The following KIF13B variants were observed in gnomAD, a reference collection of about 807,000 sequenced individuals.
KIF13B encodes kinesin-like protein KIF13B.
Under a neutral mutation model 222.0 loss-of-function variants are expected in KIF13B, and 127 were observed. The observed-to-expected ratio is 0.57, with a 90% confidence interval of 0.50 to 0.66. The LOEUF (loss-of-function observed/expected upper bound fraction) is 0.66. KIF13B is among the 30% of genes least tolerant of loss of function. The probability of loss-of-function intolerance (pLI) is 0.00; values close to 1 mark genes in which losing one functional copy is unlikely to be tolerated. For missense variants in KIF13B, 2,173 were observed against 2,379.0 expected (o/e 0.91, Z 1.80); for synonymous variants, 976 against 919.0 (o/e 1.06, Z -1.12).
chr8:29,201,172 C>G (rs1244873194), intron 2 of KIF13B, among the ~76,000 whole-genome samples: 1 of 152,202 alleles, frequency 6.6e-6, no homozygotes, highest in East Asian at 1.9e-4. Context: ...TGTTTAGTTA[C>G]TGGAGACCTC....
At position 29,067,597 on chromosome 8, in the gene KIF13B, A is replaced by G. The variant is rs917899493; in HGVS notation, c.*2907T>C. Reference sequence around the variant, plus strand: ...GGAAGGCACCACGGACTTTGTGGAGAGAAAGATGCTTTGGGGGTTCAATGG... The same window carrying G: ...GGAAGGCACCACGGACTTTGTGGAGGGAAAGATGCTTTGGGGGTTCAATGG... On this transcript the variant is annotated 3_prime_UTR_variant, in exon 40 of 40. Coordinates refer to ENST00000524189, the MANE Select transcript of KIF13B (RefSeq NM_015254.4). 1 of 152,274 alleles carries G rather than the reference A, an allele frequency of 6.6e-6. No homozygotes were observed. Among genetic ancestry groups the G allele is most frequent in the Non-Finnish European group, 1.5e-5 (1 of 68,092 alleles). 9.4% of individuals were successfully genotyped at this position (152,274 alleles called of 1,614,324 possible).
chr8:29,256,754 G>C (rs75981652), intron 1 of KIF13B, among the ~76,000 whole-genome samples: 1 of 98,122 alleles, frequency 1.0e-5, no homozygotes, highest in Non-Finnish European at 2.0e-5. Flanking sequence ...TACTTTTTTT[G>C]TTTGTTTGTT....
intron 21 of KIF13B, among the ~76,000 whole-genome samples, chr8:29,137,143 T>C (rs1810600754): frequency 6.6e-6 from 1 of 152,172 alleles, no homozygotes; most frequent in Non-Finnish European, 1.5e-5. Flanking sequence ...ACATACTTCT[T>C]AGTGACTAAA....
chr8:29,133,050 CCTCT>C lies in KIF13B; in HGVS notation c.2785-589_2785-586del, dbSNP rs1480128503. 2.0e-5 allele frequency among the ~76,000 whole-genome samples: 3 copies of C among 152,106 alleles called. No homozygotes were observed. In the East Asian group the frequency reaches 5.8e-4, roughly 29 times the overall value. On this transcript the variant is annotated intron_variant, in intron 22 of 39. Coordinates refer to ENST00000524189, the MANE Select transcript of KIF13B (RefSeq NM_015254.4). ...TCTCCTATCTCTGTTGTTGTCTCCC[CCTCT>C]CTATCTATCTTTAATGTAGTGAAGT...
rs1297430454 is a variant in KIF13B at position 29,122,643 on chromosome 8, G to A, written c.3483C>T (p.Thr1161=). ...TGTGTGTCTCCATCCCAGGTACTGG[G>A]GTCCTAAAACGGGAAGAACAAATGG... is the stretch of plus-strand genomic sequence containing the variant. ...SGIPGAPAEW[T]PVPGMETHIP... Residue 1161 remains threonine, a synonymous_variant, in exon 29 of 40, where the codon ACC becomes ACT. Coordinates refer to ENST00000524189, the MANE Select transcript of KIF13B (RefSeq NM_015254.4). 2 of 1,607,122 alleles carry A rather than the reference G, an allele frequency of 1.2e-6. No individual in the cohort carries two copies. Among genetic ancestry groups the A allele is most frequent in the South Asian group, 2.2e-5 (2 of 89,242 alleles).
intron 10 of KIF13B, among the ~76,000 whole-genome samples, chr8:29,167,806 C>T (rs1038058804): frequency 1.4e-4 from 22 of 152,076 alleles, no homozygotes; most frequent in South Asian, 2.1e-4. Flanking sequence ...TGATAAAGGA[C>T]GGGGAAATGT....
In KIF13B at chr8:29,150,953, A is replaced by C. The variant is rs980108427; in HGVS notation, c.1536-570T>G. 3.9e-5 allele frequency among the ~76,000 whole-genome samples: 6 copies of C among 152,166 alleles called. No individual in the cohort carries two copies. The East Asian group carries it at 9.6e-4, about 24-fold the overall frequency. ...CACACATCTCTCAAAAGGTGGAAAT[A>C]ATTAAGCTCAGTGAGGAATCACATC... On this transcript the variant is annotated intron_variant, in intron 14 of 39. Transcript: ENST00000524189.
intron 37 of KIF13B, among the ~76,000 whole-genome samples, chr8:29,082,489 T>TC (rs530465389): frequency 4.2e-4 from 64 of 152,086 alleles, no homozygotes; most frequent in African/African-American, 1.5e-3. Flanking sequence ...AAAAAAGTTT[T>TC]TAATTAGCCA....
chr8:29,134,618 A>G (rs1221550141), intron 21 of KIF13B, among the ~76,000 whole-genome samples: 1 of 152,252 alleles, frequency 6.6e-6, no homozygotes, highest in Admixed American at 6.5e-5. Flanking sequence ...CGAATGAAGA[A>G]CAAAATCGGT....
Position 29,069,183 on chromosome 8 carries a change from CAT to C in KIF13B, c.*1319_*1320del, listed in dbSNP as rs1807134810. ...GTCCCTAGATTGGTGGCCTTCCACA[CAT>C]AGACGCTAACCCCCATCCCACAAAC... is the stretch of plus-strand genomic sequence containing the variant. On this transcript the variant is annotated 3_prime_UTR_variant, in exon 40 of 40. Coordinates refer to ENST00000524189, the MANE Select transcript of KIF13B (RefSeq NM_015254.4). The C allele has an allele frequency of 1.3e-5, 2 of 152,432 alleles. No homozygotes were observed. Among genetic ancestry groups the C allele is most frequent in the African/African-American group, 2.4e-5 (1 of 41,588 alleles). The allele number at this position is 152,432 out of a possible 1,614,324, so 9.4% of individuals were successfully genotyped here. A position where few individuals can be genotyped will look rare whatever the true frequency, so the allele number is the denominator to read the frequency against.
Position 29,071,976 on chromosome 8 carries a change from G to A in KIF13B, c.4862C>T (p.Pro1621Leu). The change falls in exon 39 of 40, where the codon CCC becomes CTC. Residue 1621 changes from proline (P) to leucine (L), a missense_variant. Pro to Leu is a moderately conservative substitution (Grantham distance 98). This residue lies in a region of KIF13B where 693 missense variants were observed against 656.2 expected (regional missense o/e 1.06). Coordinates refer to ENST00000524189, the MANE Select transcript of KIF13B (RefSeq NM_015254.4). The surrounding 1 kb of genome is among the most constrained non-coding windows in gnomAD (Gnocchi z 4.9). The stretch of plus-strand genomic sequence containing the variant: ...GCTCACGAGCTGCTGGGGGCCAGGG[G>A]GCTCCTCGGCGGGGACGGCCGTGGG... ...PPPTAVPAEE[P>L]PGPQQLVSPG... is the part of the protein sequence containing the mutation. 1 of 1,318,766 alleles carries A rather than the reference G, an allele frequency of 7.6e-7. No homozygotes were observed. The allele number at this position is 1,318,766 out of a possible 1,614,324, so 81.7% of individuals were successfully genotyped here.
chr8:29,103,997 C>G (rs1001917979), intron 35 of KIF13B, among the ~76,000 whole-genome samples: 1 of 152,180 alleles, frequency 6.6e-6, no homozygotes, highest in Admixed American at 6.5e-5. Flanking sequence ...GGTCTCCCCC[C>G]ATCCTCACCC....
chr8:29,209,690 C>A (rs1406967590), intron 2 of KIF13B, among the ~76,000 whole-genome samples: 1 of 152,058 alleles, frequency 6.6e-6, no homozygotes, highest in East Asian at 1.9e-4. Context: ...GGACATACAA[C>A]TAAAAGGTGA....
intron 10 of KIF13B, among the ~76,000 whole-genome samples, chr8:29,173,467 A>G (rs2130218760): frequency 1.1e-4 from 1 of 9,198 alleles, no homozygotes; most frequent in African/African-American, 1.7e-4. Context: ...CTAAAAATTG[A>G]AAAAAAAAAA....
chr8:29,094,483 A>G (rs1808434114), intron 36 of KIF13B, among the ~76,000 whole-genome samples: 1 of 152,222 alleles, frequency 6.6e-6, no homozygotes, highest in East Asian at 1.9e-4. Flanking sequence ...CAGACACAAA[A>G]AGGACATACA....
chr8:29,193,962 C>T (rs1327705030), intron 3 of KIF13B, among the ~76,000 whole-genome samples: 32 of 151,160 alleles, frequency 2.1e-4, no homozygotes, highest in African/African-American at 7.5e-4. Flanking sequence ...GGACTACAGG[C>T]GCCCGCTACC....
At chr8:29,135,442 G>A (rs75079050) in intron 21 of KIF13B, among the ~76,000 whole-genome samples, 2,723 of 152,282 alleles carry the variant, frequency 0.018, 57 homozygotes, top group African/African-American at 0.048. Context: ...GTTAAGCTAA[G>A]TTCTGACTTT....
chr8:29,096,539 C>T (rs112257959), intron 36 of KIF13B, among the ~76,000 whole-genome samples: 1,538 of 152,160 alleles, frequency 0.01, 27 homozygotes, highest in African/African-American at 0.035. Flanking sequence ...ACACCTAGGC[C>T]TCCCAAAGTG....
At chr8:29,104,469 C>G (rs1341481722) in intron 35 of KIF13B, among the ~76,000 whole-genome samples, 1 of 152,190 alleles carries the variant, frequency 6.6e-6, no homozygotes, top group Non-Finnish European at 1.5e-5. Context: ...AACTCAAAAC[C>G]ATTTTTCCCC....
Sources: gnomAD v4.1 joint callset for allele counts (sites outside exome capture counted in the v4.1 genomes callset) on GRCh38, gnomAD v4.1.1 for gene constraint, gnomAD v4.1.1 regional missense constraint, Gnocchi (gnomAD v3.1) non-coding constraint, MANE v1.5 for transcripts, NCBI Gene and HGNC (gene_info 2026-07-23, HGNC 2026-07-21) for gene names.